RGS9: variants seen among roughly 807,000 people sequenced by gnomAD.
The protein encoded by RGS9 is regulator of G protein signaling 9, also known as regulator of G-protein signalling 9.
RGS9 carries 78 observed loss-of-function variants against 102.0 expected under a neutral mutation model. The ratio of observed to expected loss-of-function variants is 0.76; its 90% confidence interval spans 0.64 to 0.92. The LOEUF (loss-of-function observed/expected upper bound fraction) is 0.92, where lower values mean the gene tolerates loss of function less well. Ranked by LOEUF, RGS9 falls within the 40% of genes least tolerant of loss-of-function variation. The pLI is 0.00. For missense variants in RGS9, 833 were observed against 866.1 expected (o/e 0.96, Z 0.48); for synonymous variants, 353 against 318.6 (o/e 1.11, Z -1.15).
intron 1 of RGS9, among the ~76,000 whole-genome samples, chr17:65,144,615 T>C (rs755245057): frequency 6.6e-6 from 1 of 152,182 alleles, no homozygotes; most frequent in Non-Finnish European, 1.5e-5. Flanking sequence ...CAGAGTCTGT[T>C]TGGGAGTGAG....
At chr17:65,194,808 T>C (rs1461281151) in intron 12 of RGS9, among the ~76,000 whole-genome samples, 2 of 151,952 alleles carry the variant, frequency 1.3e-5, no homozygotes, top group African/African-American at 4.8e-5. Flanking sequence ...GAGTGCCAGG[T>C]ATAGGTCACA....
intron 9 of RGS9, among the ~76,000 whole-genome samples, chr17:65,183,769 C>T (rs1221972178): frequency 1.3e-5 from 2 of 152,182 alleles, no homozygotes; most frequent in African/African-American, 2.4e-5. Context: ...TCTGCAGATA[C>T]CTGCCTGGCT....
chr17:65,147,740 G>A (rs919183577), intron 1 of RGS9, among the ~76,000 whole-genome samples: 3 of 151,544 alleles, frequency 2.0e-5, no homozygotes, highest in East Asian at 1.9e-4. Context: ...ACAAGCATGC[G>A]CCATCACACC....
At chr17:65,199,363 G>A (rs1025065724) in intron 13 of RGS9, among the ~76,000 whole-genome samples, 1 of 151,876 alleles carries the variant, frequency 6.6e-6, no homozygotes, top group African/African-American at 2.4e-5. Flanking sequence ...TACCCCTACG[G>A]ATTCACCTCT....
chr17:65,200,006 A>C (rs1912764063), intron 13 of RGS9, among the ~76,000 whole-genome samples: 1 of 152,018 alleles, frequency 6.6e-6, no homozygotes, highest in Admixed American at 6.6e-5. Context: ...TTTGGTGGGA[A>C]AACGTATGTA....
chr17:65,160,750 G>C (rs527822345), intron 5 of RGS9, 101 bp from the exon 6 acceptor site: 3 of 1,429,522 alleles, frequency 2.1e-6, no homozygotes, highest in East Asian at 2.3e-5. Context: ...TGTGCTGAGC[G>C]TTCTCTCCCC....
Position 65,137,553 on chromosome 17 carries a change from C to A in RGS9, c.13C>A (p.His5Asn). 6 of 1,612,562 alleles carry A rather than the reference C, an allele frequency of 3.7e-6. No individual in the cohort carries two copies. Among genetic ancestry groups the A allele is most frequent in the Non-Finnish European group, 5.1e-6 (6 of 1,179,984 alleles). The change falls in exon 1 of 19, where the codon CAC becomes AAC. Residue 5 changes from histidine (H) to asparagine (N), a missense_variant. By Grantham distance (68) the His-to-Asn change is moderately conservative. Coordinates refer to ENST00000262406, the MANE Select transcript of RGS9 (RefSeq NM_003835.4). ...TCCAGGGGCCAGGATGACAATCCGACACCAAGGCCAGCAGTACAGGCCGAG... is the reference window on the plus strand; with the variant it reads ...TCCAGGGGCCAGGATGACAATCCGAAACCAAGGCCAGCAGTACAGGCCGAG... MTIR[H>N]QGQQYRPRMA...
intron 18 of RGS9, among the ~76,000 whole-genome samples, chr17:65,227,002 G>A (rs558033598): frequency 7.2e-5 from 11 of 152,122 alleles, no homozygotes; most frequent in African/African-American, 2.2e-4. Context: ...ACAGGGATCC[G>A]AGCACCTCAA....
At position 65,163,676 on chromosome 17, in the gene RGS9, C is replaced by T. The variant is rs560098026; in HGVS notation, c.500+587C>T. 2.6e-5 allele frequency among the ~76,000 whole-genome samples: 4 copies of T among 152,016 alleles called. No homozygotes were observed. In the East Asian group the frequency reaches 7.7e-4, roughly 29 times the overall value. On this transcript the variant is annotated intron_variant, in intron 7 of 18. Coordinates refer to ENST00000262406, the MANE Select transcript of RGS9 (RefSeq NM_003835.4). ...AAGGAATCGTAGAAATGGCATTGAA[C>T]CTGGGGAATGCATAGGAGGGGTCCA...
intron 1 of RGS9, among the ~76,000 whole-genome samples, chr17:65,145,239 C>T (rs1311140638): frequency 6.6e-6 from 1 of 150,758 alleles, no homozygotes; most frequent in African/African-American, 2.4e-5. Flanking sequence ...TACAGGTGCC[C>T]CCCACCACGC....
At chr17:65,216,510 G>A (rs920040430) in intron 17 of RGS9, among the ~76,000 whole-genome samples, 3 of 152,156 alleles carry the variant, frequency 2.0e-5, no homozygotes, top group South Asian at 2.1e-4. Flanking sequence ...GGTGGCAGGC[G>A]CCTGTAGTCC....
intron 3 of RGS9, among the ~76,000 whole-genome samples, chr17:65,159,006 A>C (rs1030889021): frequency 1.2e-4 from 19 of 152,186 alleles, no homozygotes; most frequent in African/African-American, 4.1e-4. Context: ...TGATATTTAC[A>C]TGGCCTGTTC....
At chr17:65,184,752 C>T (rs911512976) in intron 9 of RGS9, among the ~76,000 whole-genome samples, 2 of 150,396 alleles carry the variant, frequency 1.3e-5, no homozygotes, top group Admixed American at 1.3e-4. Flanking sequence ...CTTTTCCTTT[C>T]CTTTCCTTTC....
At chr17:65,182,423 G>A (rs566156026) in intron 9 of RGS9, among the ~76,000 whole-genome samples, 25 of 152,338 alleles carry the variant, frequency 1.6e-4, no homozygotes, top group African/African-American at 5.5e-4. Context: ...TCCGTTTCAC[G>A]GTTGAGAAAG....
chr17:65,176,421 AGGTTAGT>A lies in RGS9; in HGVS notation c.583-1309_583-1303del, dbSNP rs533538636. On this transcript the variant is annotated intron_variant, in intron 8 of 18. Transcript: ENST00000262406. The stretch of plus-strand genomic sequence containing the variant: ...GAGGATTCTTCTCTGTTTCTTAGAG[AGGTTAGT>A]GAGTGCCAAGACAAGGAGTGTTTTC... 1.8e-3 allele frequency among the ~76,000 whole-genome samples: 267 copies of A among 152,260 alleles called. 1 individual carries two copies. Among genetic ancestry groups the A allele is most frequent in the Non-Finnish European group, 2.5e-3 (168 of 68,022 alleles).
rs766470570 is a variant in RGS9, at chr17:65,168,197, C to A, written c.501-3C>A. 4.3e-5 allele frequency: 69 copies of A among 1,607,004 alleles called. No individual in the cohort carries two copies. Among genetic ancestry groups the A allele is most frequent in the Non-Finnish European group, 5.6e-5 (66 of 1,176,554 alleles). ...GCCTTACACGTGGCTTTTGGCTTTCCAGGGCTGGAAAGGAGAGGAACAAAG... is the reference window on the plus strand; with the variant it reads ...GCCTTACACGTGGCTTTTGGCTTTCAAGGGCTGGAAAGGAGAGGAACAAAG... On this transcript the variant is annotated splice_polypyrimidine_tract_variant and splice_region_variant and intron_variant, in intron 7 of 18. Coordinates refer to ENST00000262406, the MANE Select transcript of RGS9 (RefSeq NM_003835.4).
intron 1 of RGS9, among the ~76,000 whole-genome samples, chr17:65,146,118 C>T (rs887946179): frequency 2.0e-5 from 3 of 152,122 alleles, no homozygotes; most frequent in African/African-American, 7.2e-5. Context: ...AATCTGCCAA[C>T]TTTCTATCAG....
In RGS9 at chr17:65,168,203, T is replaced by G. The variant is rs773395978; in HGVS notation, c.504T>G (p.Ala168=). 5 of 1,609,046 alleles carry G rather than the reference T, an allele frequency of 3.1e-6. No homozygotes were observed. Among genetic ancestry groups the G allele is most frequent in the Non-Finnish European group, 2.5e-6 (3 of 1,177,626 alleles). Residue 168 remains alanine, a synonymous_variant, in exon 8 of 19, where the codon GCT becomes GCG. Coordinates refer to ENST00000262406, the MANE Select transcript of RGS9 (RefSeq NM_003835.4). ...VIMQAKEQYR[A]GKERNKADRY... ...CACGTGGCTTTTGGCTTTCCAGGGCTGGAAAGGAGAGGAACAAAGCAGACA... is the reference window on the plus strand; with the variant it reads ...CACGTGGCTTTTGGCTTTCCAGGGCGGGAAAGGAGAGGAACAAAGCAGACA...
chr17:65,181,294 A>G (rs894659206), intron 9 of RGS9, among the ~76,000 whole-genome samples: 1 of 152,216 alleles, frequency 6.6e-6, no homozygotes, highest in African/African-American at 2.4e-5. Flanking sequence ...TCTCCTTGCC[A>G]GCATCTGTTA....
Sources: gnomAD v4.1 joint callset for allele counts (sites outside exome capture counted in the v4.1 genomes callset) on GRCh38, gnomAD v4.1.1 for gene constraint, MANE v1.5 for transcripts, NCBI Gene and HGNC (gene_info 2026-07-23, HGNC 2026-07-21) for gene names.